The following CDYL2 variants were observed in gnomAD, a reference collection of about 807,000 sequenced individuals.
CDYL2 encodes the protein chromodomain Y like 2, also known as chromodomain Y-like protein 2.
CDYL2 carries 23 observed loss-of-function variants against 49.4 expected under a neutral mutation model. The observed-to-expected ratio is 0.47, with a 90% CI of 0.34 to 0.66. CDYL2 has a LOEUF of 0.66. Among genes scored for constraint, CDYL2 ranks in the 30% least tolerant of loss-of-function variants. The pLI is 0.01. For missense variants in CDYL2, 678 were observed against 656.4 expected, an observed-to-expected ratio of 1.03 and a Z score of -0.36; for synonymous variants, 360 against 268.8, an observed-to-expected ratio of 1.34 and a Z score of -3.32.
intron 1 of CDYL2, among the ~76,000 whole-genome samples, chr16:80,686,405 T>C (rs1910197441): frequency 6.6e-6 from 1 of 152,234 alleles, no homozygotes; most frequent in South Asian, 2.1e-4. Context: ...AGTAAGCAGT[T>C]ATATTCAAAA....
intron 5 of CDYL2, among the ~76,000 whole-genome samples, chr16:80,608,609 C>T (rs1206187987): frequency 5.3e-5 from 8 of 152,074 alleles, no homozygotes. Context: ...CCACAACAGC[C>T]CAGGGAGAAA....
chr16:80,770,798 T>G (rs569147910), intron 1 of CDYL2, among the ~76,000 whole-genome samples: 1 of 152,298 alleles, frequency 6.6e-6, no homozygotes, highest in African/African-American at 2.4e-5. Flanking sequence ...GGGAAAAGAT[T>G]AGACACAACC....
chr16:80,614,082 C>T (rs1285571091), intron 4 of CDYL2, among the ~76,000 whole-genome samples: 1 of 152,244 alleles, frequency 6.6e-6, no homozygotes, highest in African/African-American at 2.4e-5. Flanking sequence ...CTGCCTGGGG[C>T]ACCGCTTGGC....
At chr16:80,684,414 G>T (rs1168142251) in intron 2 of CDYL2, 124 bp downstream of exon 2, 7 of 871,872 alleles carry the variant, frequency 8.0e-6, no homozygotes, top group Non-Finnish European at 1.2e-5. Context: ...GATGAAGGGG[G>T]AATTGCTGGC....
chr16:80,728,061 T>C (rs1371904424), intron 1 of CDYL2, among the ~76,000 whole-genome samples: 2 of 152,198 alleles, frequency 1.3e-5, no homozygotes, highest in Non-Finnish European at 2.9e-5. Context: ...CTCCAAAGGA[T>C]GGCAGTTCCT....
chr16:80,701,388 T>A (rs989358482), intron 1 of CDYL2, among the ~76,000 whole-genome samples: 1 of 152,162 alleles, frequency 6.6e-6, no homozygotes, highest in Admixed American at 6.5e-5. Flanking sequence ...TCATTTCTAT[T>A]CAAATTCTTC....
At chr16:80,765,235 C>T (rs1403473438) in intron 1 of CDYL2, among the ~76,000 whole-genome samples, 1 of 149,056 alleles carries the variant, frequency 6.7e-6, no homozygotes, top group Non-Finnish European at 1.5e-5. Flanking sequence ...TACATGATTT[C>T]CTAAAGCTCC....
At chr16:80,696,905 G>C (rs1262659329) in intron 1 of CDYL2, among the ~76,000 whole-genome samples, 1 of 152,186 alleles carries the variant, frequency 6.6e-6, no homozygotes, top group Non-Finnish European at 1.5e-5. Flanking sequence ...GTGGAAGTGA[G>C]AGAATCACCT....
chr16:80,650,194 G>A (rs1238383036), intron 2 of CDYL2, among the ~76,000 whole-genome samples: 2 of 152,116 alleles, frequency 1.3e-5, no homozygotes, highest in African/African-American at 4.8e-5. Context: ...CCACAGAATG[G>A]GAGAAAACGT....
intron 1 of CDYL2, among the ~76,000 whole-genome samples, chr16:80,772,731 G>A (rs1394926037): frequency 1.3e-5 from 2 of 152,064 alleles, no homozygotes; most frequent in Non-Finnish European, 1.5e-5. Flanking sequence ...GATTACAGGT[G>A]TGAGCCACCA....
At chr16:80,687,206 C>A (rs138945230) in intron 1 of CDYL2, among the ~76,000 whole-genome samples, 2,742 of 152,298 alleles carry the variant, frequency 0.018, 28 homozygotes, top group Admixed American at 0.026. Context: ...CTAGGAACAG[C>A]AGCAGCGCCC....
intron 1 of CDYL2, among the ~76,000 whole-genome samples, chr16:80,696,133 C>T (rs552101867): frequency 3.3e-5 from 5 of 152,218 alleles, no homozygotes; most frequent in South Asian, 4.1e-4. Context: ...TTAAGCAATG[C>T]GTTCCTTAAC....
At chr16:80,660,651 C>T (rs1184059736) in intron 2 of CDYL2, among the ~76,000 whole-genome samples, 2 of 152,082 alleles carry the variant, frequency 1.3e-5, no homozygotes, top group Non-Finnish European at 2.9e-5. Context: ...ATTCTGTGAA[C>T]ATATTAAACT....
chr16:80,610,517 C>G (rs71400107), intron 5 of CDYL2, among the ~76,000 whole-genome samples: 9 of 152,288 alleles, frequency 5.9e-5, no homozygotes, highest in Middle Eastern at 3.4e-3. Flanking sequence ...ATCCAGAAGC[C>G]TAAGGACTCA....
Position 80,608,210 on chromosome 16 carries a change from C to G in CDYL2, c.1244G>C (p.Arg415Pro). 1 of 1,587,516 alleles carries G rather than the reference C, an allele frequency of 6.3e-7. No homozygotes were observed. Among genetic ancestry groups the G allele is most frequent in the Non-Finnish European group, 8.6e-7 (1 of 1,166,276 alleles). ...GCAGGCCTCCTGGGCGGTGAGCTTC[C>G]GCCCACAGAACAGCATCTCATTGGC... ...ALANEMLFCG[R>P]KLTAQEACSR... is the part of the protein sequence containing the mutation. Residue 415 changes from arginine to proline, a missense_variant, in exon 6 of 7, where the codon CGG becomes CCG. By Grantham distance (103) the Arg-to-Pro change is moderately radical. Transcript: ENST00000570137.
At chr16:80,703,479 CCTGGA>C (rs568055886) in intron 1 of CDYL2, among the ~76,000 whole-genome samples, 101 of 152,234 alleles carry the variant, frequency 6.6e-4, no homozygotes, top group Middle Eastern at 3.4e-3. Flanking sequence ...GTCACTGGTC[CCTGGA>C]CTTTCTCTAA....
At chr16:80,704,065 G>A (rs1336890803) in intron 1 of CDYL2, among the ~76,000 whole-genome samples, 3 of 152,190 alleles carry the variant, frequency 2.0e-5, no homozygotes, top group African/African-American at 7.2e-5. Flanking sequence ...TCCACTACCT[G>A]AGTAGAGCAA....
At chr16:80,726,223 G>T (rs942502368) in intron 1 of CDYL2, among the ~76,000 whole-genome samples, 2 of 152,104 alleles carry the variant, frequency 1.3e-5, no homozygotes, top group Non-Finnish European at 2.9e-5. Context: ...TGTTGCAAAG[G>T]GATTTGAGGA....
intron 2 of CDYL2, among the ~76,000 whole-genome samples, chr16:80,675,421 G>A (rs899364802): frequency 1.6e-4 from 25 of 152,186 alleles, no homozygotes; most frequent in African/African-American, 5.8e-4. Flanking sequence ...ACATTTAGTA[G>A]ATCAAATACA....
Sources: allele counts gnomAD v4.1 joint callset (sites outside exome capture counted in the v4.1 genomes callset), GRCh38; gene constraint gnomAD v4.1.1; transcripts MANE v1.5; gene names NCBI Gene and HGNC (gene_info 2026-07-23, HGNC 2026-07-21).